Variants in PCLO observed in about 807,000 individuals in gnomAD.
PCLO encodes piccolo presynaptic cytomatrix protein.
In PCLO, 82 loss-of-function variants were observed where a neutral mutation model predicts 427.5. The observed-to-expected ratio is 0.19, with a 90% confidence interval of 0.16 to 0.23. The LOEUF (loss-of-function observed/expected upper bound fraction) is 0.23, where lower values mean the gene tolerates loss of function less well. Ranked by LOEUF, PCLO falls within the 10% of genes least tolerant of loss-of-function variation. The probability of loss-of-function intolerance (pLI) is 1.00; values close to 1 mark genes in which losing one functional copy is unlikely to be tolerated. For synonymous variants in PCLO, 2,357 were observed against 2,155.4 expected, an observed-to-expected ratio of 1.09 and a Z score of -2.59; for missense variants, 6,239 against 6,115.9, an observed-to-expected ratio of 1.02 and a Z score of -0.67.
In PCLO at chr7:82,983,233, G is replaced by T. The variant is rs138207820; in HGVS notation, c.3301-16746C>A. 6.4e-3 allele frequency among the ~76,000 whole-genome samples: 967 copies of T among 151,056 alleles called. 15 individuals are homozygous for T. The highest frequency in any genetic ancestry group is 0.022 in the African/African-American group (906 of 41,382). On this transcript the variant is annotated intron_variant, in intron 3 of 24. Coordinates refer to ENST00000333891, the MANE Select transcript of PCLO (RefSeq NM_033026.6). The stretch of plus-strand genomic sequence containing the variant: ...TTTTATATTCACTCTATATTGTTAA[G>T]TTTTAAGGCAATCAATCCTAAAACT...
At chr7:82,902,418 G>C (rs1351908049) in intron 9 of PCLO, among the ~76,000 whole-genome samples, 3 of 151,818 alleles carry the variant, frequency 2.0e-5, no homozygotes, top group African/African-American at 7.3e-5. Context: ...ACACACTGGG[G>C]CCTGTTGTGG....
intron 2 of PCLO, among the ~76,000 whole-genome samples, chr7:83,142,277 C>T (rs1289629812): frequency 6.6e-6 from 1 of 152,174 alleles, no homozygotes; most frequent in Non-Finnish European, 1.5e-5. Context: ...TTTCTTCAAT[C>T]GTGCTATTTT....
chr7:82,956,193 C>T lies in PCLO; in HGVS notation c.4760G>A (p.Ser1587Asn). The change falls in exon 5 of 25, where the codon AGC becomes AAC. Residue 1587 changes from serine to asparagine, a missense_variant. By Grantham distance (46) the Ser-to-Asn change is conservative (BLOSUM62 1). This residue lies in a region of PCLO where 4,677 missense variants were observed against 4,468.4 expected (regional missense o/e 1.05). Coordinates refer to ENST00000333891, the MANE Select transcript of PCLO (RefSeq NM_033026.6). ...FIRNQLKEIS[S>N]STESQKKEET... ...TTCCTTCTTCTGGCTCTCAGTACTGCTACTAATCTCTTTGAGCTGGTTTCT... is the reference window on the plus strand; with the variant it reads ...TTCCTTCTTCTGGCTCTCAGTACTGTTACTAATCTCTTTGAGCTGGTTTCT... The T allele has an allele frequency of 1.2e-6, 2 of 1,609,730 alleles. No homozygotes were observed. Among genetic ancestry groups the T allele is most frequent in the Non-Finnish European group, 8.5e-7 (1 of 1,179,830 alleles).
chr7:83,145,735 C>A (rs1475417802), intron 2 of PCLO, among the ~76,000 whole-genome samples: 1 of 152,116 alleles, frequency 6.6e-6, no homozygotes, highest in African/African-American at 2.4e-5. Flanking sequence ...AATTTCAGAG[C>A]CCTTCCACTT....
At position 83,149,077 on chromosome 7, in the gene PCLO, A is replaced by G. The variant is rs74875229; in HGVS notation, c.1893+5671T>C. Among the ~76,000 whole-genome samples the G allele has an allele frequency of 5.7e-3, 862 of 152,266 alleles. 12 individuals carry two copies. Among genetic ancestry groups the G allele is most frequent in the African/African-American group, 0.02 (819 of 41,562 alleles). On this transcript the variant is annotated intron_variant, in intron 2 of 24. Transcript: ENST00000333891. ...TCTTTTTGAAGGTCCTAGTTTTCTC[A>G]TGGGGGCCCTTCCTCAGGCAGGTCA... is the stretch of plus-strand genomic sequence containing the variant.
At chr7:82,933,860 A>G (rs1794893138) in intron 6 of PCLO, among the ~76,000 whole-genome samples, 2 of 151,970 alleles carry the variant, frequency 1.3e-5, no homozygotes, top group African/African-American at 4.8e-5. Flanking sequence ...CCCTCTCAAG[A>G]ATATGTAAAC....
chr7:83,079,548 T>C (rs1252824288), intron 3 of PCLO, among the ~76,000 whole-genome samples: 1 of 152,116 alleles, frequency 6.6e-6, no homozygotes, highest in Non-Finnish European at 1.5e-5. Flanking sequence ...GAATATAAAA[T>C]AGCTAACTGG....
Position 82,824,321 on chromosome 7 carries a change from A to C in PCLO, c.14511T>G (p.Ser4837=), listed in dbSNP as rs1453650342. Residue 4837 remains serine (S), a synonymous_variant, in exon 19 of 25, where the codon TCT becomes TCG. Coordinates refer to ENST00000333891, the MANE Select transcript of PCLO (RefSeq NM_033026.6). ...EQTESIDHGK[S]HSSQSSQQSP... ...ACTGCTGGCTGCTCTGACTGGAATG[A>C]GACTTGCCATGATCAATGCTTTCAG... The C allele has an allele frequency of 6.2e-7, 1 of 1,613,598 alleles. No individual in the cohort carries two copies. Among genetic ancestry groups the C allele is most frequent in the Non-Finnish European group, 8.5e-7 (1 of 1,179,680 alleles).
At position 83,150,586 on chromosome 7, in the gene PCLO, G is replaced by A. The variant is rs150853625; in HGVS notation, c.1893+4162C>T. Among the ~76,000 whole-genome samples the A allele has an allele frequency of 3.7e-3, 567 of 152,090 alleles. 5 individuals carry two copies. Among genetic ancestry groups the A allele is most frequent in the African/African-American group, 0.013 (537 of 41,490 alleles). ...ACATGTCCCCTTCTCTAAAGCTTGT[G>A]GCTGAGTGTAGCTAATTATCTAGTC... On this transcript the variant is annotated intron_variant, in intron 2 of 24. Coordinates refer to ENST00000333891, the MANE Select transcript of PCLO (RefSeq NM_033026.6).
rs1435812521 is a variant in PCLO at position 83,162,504 on chromosome 7, C to T, written c.89G>A (p.Gly30Glu). 6.4e-7 allele frequency: 1 copy of T among 1,566,048 alleles called. No homozygotes were observed. Among genetic ancestry groups the T allele is most frequent in the Non-Finnish European group, 8.7e-7 (1 of 1,155,992 alleles). ...CGGGATCGCGGTGTGAGAGGGGCTCCCCGCCCCGCTAGCTCCTCCTCCAGC... is the reference window on the plus strand; with the variant it reads ...CGGGATCGCGGTGTGAGAGGGGCTCTCCGCCCCGCTAGCTCCTCCTCCAGC... ...AAAGGGASGAGSPSHTAIPAG... is the reference protein window; with the variant it reads ...AAAGGGASGAESPSHTAIPAG... The change falls in exon 1 of 25, where the codon GGG (glycine) becomes GAG (glutamate). Residue 30 changes from glycine (G) to glutamate (E), a missense_variant. Coordinates refer to ENST00000333891, the MANE Select transcript of PCLO (RefSeq NM_033026.6).
intron 22 of PCLO, among the ~76,000 whole-genome samples, chr7:82,795,174 A>C (rs574561785): frequency 6.6e-6 from 1 of 152,248 alleles, no homozygotes; most frequent in African/African-American, 2.4e-5. Context: ...CTTACTGAAG[A>C]AAATTATGGC....
At chr7:82,998,730 C>A (rs1787697851) in intron 3 of PCLO, among the ~76,000 whole-genome samples, 1 of 151,812 alleles carries the variant, frequency 6.6e-6, no homozygotes, top group South Asian at 2.1e-4. Flanking sequence ...ATTTACAGCA[C>A]TTTCTTTTAC....
At chr7:82,887,437 T>A (rs1793653655) in intron 9 of PCLO, among the ~76,000 whole-genome samples, 1 of 152,208 alleles carries the variant, frequency 6.6e-6, no homozygotes, top group Non-Finnish European at 1.5e-5. Flanking sequence ...TTCACATTAA[T>A]ATTACCATCT....
intron 3 of PCLO, among the ~76,000 whole-genome samples, chr7:83,040,604 G>C (rs1788949564): frequency 6.6e-6 from 1 of 152,120 alleles, no homozygotes; most frequent in Non-Finnish European, 1.5e-5. Context: ...TTTTCCGGCA[G>C]ACTAGCTGAC....
At chr7:82,992,929 T>G (rs139934305) in intron 3 of PCLO, among the ~76,000 whole-genome samples, 1 of 152,232 alleles carries the variant, frequency 6.6e-6, no homozygotes, top group East Asian at 1.9e-4. Context: ...CCATATTAAA[T>G]GTGTTTGAGG....
chr7:83,031,642 G>T (rs930401554), intron 3 of PCLO, among the ~76,000 whole-genome samples: 1 of 152,038 alleles, frequency 6.6e-6, no homozygotes, highest in African/African-American at 2.4e-5. Flanking sequence ...TGTAATGATT[G>T]ACTTTCTTCT....
At chr7:82,887,624 G>GAA (rs1793657814) in intron 9 of PCLO, among the ~76,000 whole-genome samples, 1 of 152,124 alleles carries the variant, frequency 6.6e-6, no homozygotes, top group East Asian at 1.9e-4. Flanking sequence ...AATCTGTCAG[G>GAA]AGAAATGATA....
At chr7:82,796,889 A>G (rs1425673972) in intron 22 of PCLO, among the ~76,000 whole-genome samples, 1 of 150,708 alleles carries the variant, frequency 6.6e-6, no homozygotes, top group African/African-American at 2.4e-5. Context: ...GTTTTAATAT[A>G]GTGTTTTGCA....
chr7:83,007,568 A>T (rs957299257), intron 3 of PCLO, among the ~76,000 whole-genome samples: 6 of 151,666 alleles, frequency 4.0e-5, no homozygotes, highest in Middle Eastern at 3.2e-3. Flanking sequence ...AGCAATTTTT[A>T]AAAATTACGA....
Sources: allele counts gnomAD v4.1 joint callset (sites outside exome capture counted in the v4.1 genomes callset), GRCh38; gene constraint gnomAD v4.1.1; regional missense constraint gnomAD v4.1.1; transcripts MANE v1.5; gene names NCBI Gene and HGNC (gene_info 2026-07-23, HGNC 2026-07-21).